BTLA: variants seen among roughly 807,000 people sequenced by gnomAD.
The protein encoded by BTLA is B and T lymphocyte associated.
In BTLA, 11 loss-of-function variants were observed where a neutral mutation model predicts 25.0. The observed-to-expected ratio is 0.44, with a 90% CI of 0.28 to 0.73. BTLA has a LOEUF of 0.73. BTLA is among the 30% of genes least tolerant of loss of function. BTLA has a pLI of 0.15. For synonymous variants in BTLA, 104 were observed against 119.8 expected (o/e 0.87, Z 0.86); for missense variants, 282 against 332.8 (o/e 0.85, Z 1.19).
chr3:112,499,368 A>G lies in BTLA; in HGVS notation c.-10T>C, dbSNP rs372124971. On this transcript the variant is annotated 5_prime_UTR_variant, in exon 1 of 5. The change abolishes an upstream ATG in the 5' untranslated region. Coordinates refer to ENST00000334529, the MANE Select transcript of BTLA (RefSeq NM_181780.4). ...CAGGCAATGTCTTCATTTCCTGCACATATCAGTGATGGAAAAACTGCTCAA... is the reference window on the plus strand; with the variant it reads ...CAGGCAATGTCTTCATTTCCTGCACGTATCAGTGATGGAAAAACTGCTCAA... 131 of 1,612,210 alleles carry G rather than the reference A, an allele frequency of 8.1e-5. No individual in the cohort carries two copies. Among genetic ancestry groups the G allele is most frequent in the Middle Eastern group, 3.3e-4 (2 of 6,058 alleles).
intron 1 of BTLA, among the ~76,000 whole-genome samples, chr3:112,484,604 T>C (rs2082336433): frequency 6.6e-6 from 1 of 152,202 alleles, no homozygotes; most frequent in African/African-American, 2.4e-5. Flanking sequence ...CCTATCACAA[T>C]ATATTACCTT....
chr3:112,475,469 T>A (rs2082284175), intron 2 of BTLA, among the ~76,000 whole-genome samples: 2 of 152,218 alleles, frequency 1.3e-5, no homozygotes, highest in Non-Finnish European at 2.9e-5. Context: ...ACAAAATAGA[T>A]AGATTGTTGA....
chr3:112,474,516 G>T (rs2082279135), intron 2 of BTLA, among the ~76,000 whole-genome samples: 1 of 150,350 alleles, frequency 6.7e-6, no homozygotes, highest in African/African-American at 2.4e-5. Context: ...AAAAAAAAAA[G>T]AAATATTACA....
intron 1 of BTLA, among the ~76,000 whole-genome samples, chr3:112,490,987 G>A (rs2082377083): frequency 6.6e-6 from 1 of 152,154 alleles, no homozygotes; most frequent in Non-Finnish European, 1.5e-5. Flanking sequence ...CAATGCAGTT[G>A]TATTGAGCCA....
chr3:112,468,567 T>C (rs924318407), intron 4 of BTLA, among the ~76,000 whole-genome samples: 4 of 152,198 alleles, frequency 2.6e-5, no homozygotes, highest in African/African-American at 9.7e-5. Flanking sequence ...GAATTAAGCT[T>C]CAAATCATAA....
chr3:112,498,938 T>C (rs1339626873), intron 1 of BTLA, among the ~76,000 whole-genome samples: 4 of 152,352 alleles, frequency 2.6e-5, no homozygotes, highest in Non-Finnish European at 5.9e-5. Context: ...TCATTATCAG[T>C]ATGGCAGCCA....
chr3:112,490,613 AC>A (rs2082374807), intron 1 of BTLA, among the ~76,000 whole-genome samples: 1 of 151,164 alleles, frequency 6.6e-6, no homozygotes, highest in Non-Finnish European at 1.5e-5. Context: ...AAACACACAC[AC>A]ACACACACAC....
chr3:112,471,912 T>C (rs1332958725), intron 2 of BTLA, among the ~76,000 whole-genome samples: 2 of 152,232 alleles, frequency 1.3e-5, no homozygotes, highest in Non-Finnish European at 2.9e-5. Context: ...GCATTACTAT[T>C]GATCAATGTT....
At chr3:112,498,887 G>A (rs1844089) in intron 1 of BTLA, among the ~76,000 whole-genome samples, 37,000 of 152,004 alleles carry the variant, frequency 0.24, 8,073 homozygotes, top group African/African-American at 0.58. Flanking sequence ...GAGCACTGCA[G>A]CACTCTACTG....
intron 3 of BTLA, 43 bp downstream of exon 3, chr3:112,471,169 C>T: frequency 1.3e-6 from 2 of 1,591,094 alleles, no homozygotes; most frequent in Non-Finnish European, 1.7e-6. Context: ...TAAGAATGGC[C>T]CCAAATGTGT....
chr3:112,487,422 T>TA (rs2082354430), intron 1 of BTLA, among the ~76,000 whole-genome samples: 1 of 152,026 alleles, frequency 6.6e-6, no homozygotes, highest in Non-Finnish European at 1.5e-5. Flanking sequence ...CTGTCTCTAT[T>TA]AAAAAATACA....
chr3:112,484,399 C>T (rs1198064447), intron 1 of BTLA, among the ~76,000 whole-genome samples: 2 of 152,190 alleles, frequency 1.3e-5, no homozygotes, highest in Non-Finnish European at 2.9e-5. Context: ...GTTTCAAATG[C>T]TAACACATTG....
intron 1 of BTLA, among the ~76,000 whole-genome samples, chr3:112,496,631 T>C (rs946404095): frequency 1.3e-4 from 20 of 152,256 alleles, no homozygotes; most frequent in African/African-American, 2.4e-4. Context: ...AATGGAGCCA[T>C]CAGCTCTGCC....
chr3:112,464,458 C>T lies in BTLA; in HGVS notation c.*1650G>A, dbSNP rs1436785047. 1.4e-5 allele frequency: 4 copies of T among 281,344 alleles called. No individual in the cohort carries two copies. Among genetic ancestry groups the T allele is most frequent in the African/African-American group, 6.5e-5 (3 of 46,252 alleles). 17.4% of individuals were successfully genotyped at this position (281,344 alleles called of 1,614,324 possible). On this transcript the variant is annotated 3_prime_UTR_variant, in exon 5 of 5. Transcript: ENST00000334529. ...ATGTCTTTCTTACATAAGTTGTCCA[C>T]AAATGCAGCCTGGCTAAAACAGCCT...
chr3:112,485,632 C>T (rs372031161), intron 1 of BTLA, among the ~76,000 whole-genome samples: 1 of 151,956 alleles, frequency 6.6e-6, no homozygotes, highest in East Asian at 1.9e-4. Flanking sequence ...GGAGCGATCT[C>T]GGTTCACTGC....
intron 2 of BTLA, among the ~76,000 whole-genome samples, chr3:112,474,585 A>G (rs942078022): frequency 2.0e-5 from 3 of 152,192 alleles, no homozygotes; most frequent in Non-Finnish European, 2.9e-5. Context: ...ACATTTCCAC[A>G]CATTACTACA....
intron 1 of BTLA, among the ~76,000 whole-genome samples, chr3:112,487,237 G>A (rs2082353336): frequency 6.6e-6 from 1 of 152,196 alleles, no homozygotes; most frequent in African/African-American, 2.4e-5. Flanking sequence ...ATATTTTGAA[G>A]GGTAAATATT....
At chr3:112,497,741 G>A (rs1204555190) in intron 1 of BTLA, among the ~76,000 whole-genome samples, 1 of 151,886 alleles carries the variant, frequency 6.6e-6, no homozygotes. Flanking sequence ...TGGCATCCTG[G>A]CATCATAGAG....
intron 1 of BTLA, among the ~76,000 whole-genome samples, chr3:112,493,647 G>T (rs551770037): frequency 1.8e-4 from 28 of 152,266 alleles, no homozygotes; most frequent in African/African-American, 6.5e-4. Context: ...TCTTACAGGC[G>T]TGTCCCACCA....
Sources: gnomAD v4.1 joint callset for allele counts (sites outside exome capture counted in the v4.1 genomes callset) on GRCh38, gnomAD v4.1.1 for gene constraint, MANE v1.5 for transcripts, NCBI Gene and HGNC (gene_info 2026-07-23, HGNC 2026-07-21) for gene names.